Variants in GLI2 observed in about 807,000 individuals in gnomAD.
GLI2 encodes transcription activator GLI2.
A neutral mutation model predicts 78.9 loss-of-function variants in GLI2; 22 were observed. That is an observed-to-expected ratio of 0.28 (90% CI 0.20 to 0.40). The LOEUF (loss-of-function observed/expected upper bound fraction) is 0.40, where lower values mean the gene tolerates loss of function less well. GLI2 is among the 10% of genes least tolerant of loss of function. GLI2 has a pLI of 1.00. For missense variants in GLI2, 2,097 were observed against 2,213.2 expected, an observed-to-expected ratio of 0.95 and a Z score of 1.05; for synonymous variants, 974 against 963.7, an observed-to-expected ratio of 1.01 and a Z score of -0.20.
At chr2:120,757,287 C>T (rs1202901127) in intron 1 of GLI2, among the ~76,000 whole-genome samples, 1 of 144,074 alleles carries the variant, frequency 6.9e-6, no homozygotes, top group Non-Finnish European at 1.5e-5. Flanking sequence ...TAAGTTTTAT[C>T]TTATTGGATG....
intron 4 of GLI2, among the ~76,000 whole-genome samples, chr2:120,952,898 A>G (rs972754671): frequency 3.9e-5 from 6 of 152,218 alleles, no homozygotes; most frequent in Non-Finnish European, 8.8e-5. Context: ...GAGAGGACAC[A>G]GGTCAGGTTC....
At chr2:120,896,691 A>ACACCCC (rs1677975747) in intron 2 of GLI2, among the ~76,000 whole-genome samples, 1 of 116,316 alleles carries the variant, frequency 8.6e-6, no homozygotes, top group Non-Finnish European at 1.7e-5. Flanking sequence ...ACTCACACAC[A>ACACCCC]CCCATACACA....
At position 120,942,834 on chromosome 2, in the gene GLI2, ATT is replaced by A. The variant is rs1226609203; in HGVS notation, c.255-8408_255-8407del. On this transcript the variant is annotated intron_variant, in intron 3 of 13. Coordinates refer to ENST00000361492, the MANE Select transcript of GLI2 (RefSeq NM_001374353.1). ...CACTCATTCGTTCACGCCCTCACTC[ATT>A]CATTCATTCATTCGTTCACGCCCTC... Among the ~76,000 whole-genome samples the A allele has an allele frequency of 2.1e-3, 300 of 144,308 alleles. 1 individual carries two copies. Among genetic ancestry groups the A allele is most frequent in the African/African-American group, 7.9e-3 (288 of 36,608 alleles). 94.7% of individuals were successfully genotyped at this position (144,308 alleles called of 152,430 possible).
chr2:120,909,699 A>G (rs947120235), intron 2 of GLI2, among the ~76,000 whole-genome samples: 2 of 151,986 alleles, frequency 1.3e-5, no homozygotes, highest in Non-Finnish European at 2.9e-5. Context: ...CCCTGTCTCT[A>G]CTAAAAATAC....
At chr2:120,894,078 G>A (rs1381084533) in intron 2 of GLI2, among the ~76,000 whole-genome samples, 1 of 152,146 alleles carries the variant, frequency 6.6e-6, no homozygotes, top group African/African-American at 2.4e-5. Context: ...GGCCTATTGT[G>A]GGGACAGTCG....
At chr2:120,986,203 G>A (rs1177657783) in intron 12 of GLI2, 75 bp from the exon 13 acceptor site, 16 of 1,377,930 alleles carry the variant, frequency 1.2e-5, no homozygotes, top group Middle Eastern at 3.5e-4. Context: ...TGTGGTGCCT[G>A]TGCAGGCCTA....
chr2:120,805,501 G>A (rs1684910362), intron 2 of GLI2, among the ~76,000 whole-genome samples: 1 of 152,250 alleles, frequency 6.6e-6, no homozygotes. Flanking sequence ...ATGCAGAGTT[G>A]GGTGAAGCTT....
rs754904614 is a variant in GLI2 at position 120,986,006 on chromosome 2, G to A, written c.1906-272G>A. 4.6e-5 allele frequency among the ~76,000 whole-genome samples: 7 copies of A among 152,356 alleles called. No homozygotes were observed. The South Asian group carries it at 6.2e-4, about 14-fold the overall frequency. Reference sequence around the variant, plus strand: ...ATACTGGGTGCCTTCTGCACGCTGCGTGCTGTCCACCCACCCACTAACTCT... The same window carrying A: ...ATACTGGGTGCCTTCTGCACGCTGCATGCTGTCCACCCACCCACTAACTCT... On this transcript the variant is annotated intron_variant, in intron 12 of 13. Coordinates refer to ENST00000361492, the MANE Select transcript of GLI2 (RefSeq NM_001374353.1).
At chr2:120,939,124 A>G (rs989528178) in intron 3 of GLI2, among the ~76,000 whole-genome samples, 3 of 152,298 alleles carry the variant, frequency 2.0e-5, no homozygotes, top group Admixed American at 2.0e-4. Flanking sequence ...TCTACTAAAA[A>G]TACAAAAATT....
chr2:120,816,549 C>G (rs1441739100), intron 2 of GLI2, among the ~76,000 whole-genome samples: 1 of 151,656 alleles, frequency 6.6e-6, no homozygotes, highest in Non-Finnish European at 1.5e-5. Context: ...TTGTTTGAAA[C>G]TTAAAAAAAT....
chr2:120,792,093 A>G (rs1165909845), intron 1 of GLI2, among the ~76,000 whole-genome samples: 1 of 152,166 alleles, frequency 6.6e-6, no homozygotes, highest in East Asian at 1.9e-4. Context: ...TGCCTGGGGA[A>G]CAATGCTCTA....
At chr2:120,921,562 A>C (rs1679381374) in intron 2 of GLI2, among the ~76,000 whole-genome samples, 1 of 152,098 alleles carries the variant, frequency 6.6e-6, no homozygotes, top group Non-Finnish European at 1.5e-5. Context: ...TAGCTCCTCT[A>C]ATCCCTGTTG....
chr2:120,754,674 GAT>G (rs1425037063), intron 1 of GLI2, among the ~76,000 whole-genome samples: 2 of 152,112 alleles, frequency 1.3e-5, no homozygotes, highest in Non-Finnish European at 2.9e-5. Flanking sequence ...CCTGTTGATG[GAT>G]ATTTAGGTTG....
chr2:120,774,099 A>G (rs1683607900), intron 1 of GLI2, among the ~76,000 whole-genome samples: 1 of 152,010 alleles, frequency 6.6e-6, no homozygotes, highest in Non-Finnish European at 1.5e-5. Context: ...GAGGATTTAG[A>G]AGTGCATTGG....
intron 3 of GLI2, among the ~76,000 whole-genome samples, chr2:120,947,722 G>T (rs1292843386): frequency 1.3e-5 from 2 of 152,246 alleles, no homozygotes; most frequent in Non-Finnish European, 2.9e-5. Flanking sequence ...CCAGAGAGGA[G>T]CAGCATTCTG....
At chr2:120,760,121 G>A (rs1313281513) in intron 1 of GLI2, among the ~76,000 whole-genome samples, 3 of 152,170 alleles carry the variant, frequency 2.0e-5, no homozygotes, top group African/African-American at 7.2e-5. Context: ...AACCTCCCAG[G>A]GGCAGGGTGA....
intron 2 of GLI2, among the ~76,000 whole-genome samples, chr2:120,908,492 T>A (rs1376859984): frequency 6.6e-6 from 1 of 152,052 alleles, no homozygotes; most frequent in African/African-American, 2.4e-5. Context: ...CCACTGTGGG[T>A]CCCTCTCAGC....
rs910848234 is a variant in GLI2 at position 120,758,245 on chromosome 2, C to A, written c.-31+21960C>A. 1.3e-5 allele frequency among the ~76,000 whole-genome samples: 2 copies of A among 152,268 alleles called. 1 individual carries two copies. Among genetic ancestry groups the A allele is most frequent in the Non-Finnish European group, 2.9e-5 (2 of 68,046 alleles). On this transcript the variant is annotated intron_variant, in intron 1 of 13. Coordinates refer to ENST00000361492, the MANE Select transcript of GLI2 (RefSeq NM_001374353.1). ...CTGGAGGTTTGCATTTTACTCCTAG[C>A]ACCACACACAATCTCAGCAGCTTTT...
At chr2:120,857,517 C>T (rs1280964625) in intron 2 of GLI2, among the ~76,000 whole-genome samples, 1 of 134,296 alleles carries the variant, frequency 7.4e-6, no homozygotes, top group Non-Finnish European at 1.6e-5. Context: ...GCCCACCCAC[C>T]GACCCACCCA....
Sources: gnomAD v4.1 joint callset for allele counts (sites outside exome capture counted in the v4.1 genomes callset) on GRCh38, gnomAD v4.1.1 for gene constraint, MANE v1.5 for transcripts, NCBI Gene and HGNC (gene_info 2026-07-23, HGNC 2026-07-21) for gene names.